The following SYT14 variants were observed in gnomAD, a reference collection of about 807,000 sequenced individuals.
The protein encoded by SYT14 is synaptotagmin 14, also known as synaptotagmin-14.
Under a neutral mutation model 74.2 loss-of-function variants are expected in SYT14, and 32 were observed. The ratio of observed to expected loss-of-function variants is 0.43; its 90% CI spans 0.33 to 0.58. SYT14 has a LOEUF of 0.58. Ranked by LOEUF, SYT14 falls within the 20% of genes least tolerant of loss-of-function variation. SYT14 has a pLI of 0.05. For missense variants in SYT14, 791 were observed against 981.8 expected (o/e 0.81, Z 2.60); for synonymous variants, 298 against 337.7 (o/e 0.88, Z 1.29).
intron 5 of SYT14, among the ~76,000 whole-genome samples, chr1:210,061,183 G>T (rs898820253): frequency 6.6e-5 from 10 of 151,528 alleles, no homozygotes; most frequent in Admixed American, 1.3e-4. Flanking sequence ...GACATTAATG[G>T]CCTGTCATTG....
At chr1:210,156,913 C>T (rs1051435132) in intron 8 of SYT14, 2 of 384,736 alleles carry the variant, frequency 5.2e-6, no homozygotes, top group African/African-American at 2.0e-5. Context: ...AAGCTGGTCG[C>T]AAGCTCCTGA....
chr1:210,048,018 C>T (rs767654867), intron 5 of SYT14, among the ~76,000 whole-genome samples: 23 of 152,062 alleles, frequency 1.5e-4, no homozygotes, highest in Non-Finnish European at 3.2e-4. Flanking sequence ...TTTGGAAGAC[C>T]TTTTTCCACT....
chr1:210,120,849 GTCC>G (rs764499808), intron 7 of SYT14, among the ~76,000 whole-genome samples: 12 of 152,214 alleles, frequency 7.9e-5, no homozygotes, highest in South Asian at 2.1e-4. Context: ...AATTAGCACT[GTCC>G]TTTAAGCTGT....
At chr1:209,972,199 G>A (rs2102757124) in intron 2 of SYT14, among the ~76,000 whole-genome samples, 1 of 151,614 alleles carries the variant, frequency 6.6e-6, no homozygotes, top group East Asian at 1.9e-4. Flanking sequence ...AGTCTCTGAG[G>A]ATCTTTCATA....
intron 2 of SYT14, among the ~76,000 whole-genome samples, chr1:209,975,451 T>C (rs1387013304): frequency 6.6e-6 from 1 of 152,214 alleles, no homozygotes; most frequent in Non-Finnish European, 1.5e-5. Context: ...CTTTTCTGCA[T>C]CTATTGAGAT....
intron 5 of SYT14, among the ~76,000 whole-genome samples, chr1:210,061,814 T>C (rs2081212210): frequency 6.6e-6 from 1 of 151,962 alleles, no homozygotes; most frequent in Admixed American, 6.6e-5. Flanking sequence ...TATGTACATG[T>C]TGTTTGTTGG....
exon 3 of SYT14, chr1:210,013,707 A>G: frequency 6.2e-7 from 1 of 1,612,888 alleles, no homozygotes; most frequent in Non-Finnish European, 8.5e-7. Flanking sequence ...TTTTCTCTAT[A>G]TTAATAAGAA....
At chr1:210,045,919 T>C (rs569820299) in intron 5 of SYT14, among the ~76,000 whole-genome samples, 1 of 152,332 alleles carries the variant, frequency 6.6e-6, no homozygotes, top group African/African-American at 2.4e-5. Context: ...GTTCTGTTTG[T>C]CCTTGGAAAA....
intron 2 of SYT14, among the ~76,000 whole-genome samples, chr1:210,003,567 T>TA (rs1187155866): frequency 2.0e-5 from 3 of 150,694 alleles, no homozygotes; most frequent in Admixed American, 6.9e-5. Context: ...CTAGATTTTT[T>TA]ACCTCTATTC....
intron 2 of SYT14, among the ~76,000 whole-genome samples, chr1:210,009,921 CTCT>C (rs2080055228): frequency 6.6e-6 from 1 of 151,998 alleles, no homozygotes; most frequent in African/African-American, 2.4e-5. Context: ...TTAACCTCAA[CTCT>C]TCTTCTTTCT....
At chr1:210,122,059 G>T (rs1181513022) in intron 7 of SYT14, among the ~76,000 whole-genome samples, 1 of 18,478 alleles carries the variant, frequency 5.4e-5, no homozygotes, top group African/African-American at 5.8e-4. Flanking sequence ...CTCACTGCAA[G>T]CTCCGCCTCC....
chr1:209,990,871 CTT>C (rs1217886953), intron 2 of SYT14, among the ~76,000 whole-genome samples: 1 of 152,004 alleles, frequency 6.6e-6, no homozygotes, highest in Non-Finnish European at 1.5e-5. Context: ...GGAGGTATCA[CTT>C]TACCTGACTT....
intron 5 of SYT14, among the ~76,000 whole-genome samples, chr1:210,027,483 A>G (rs1433027053): frequency 6.6e-6 from 1 of 152,080 alleles, no homozygotes; most frequent in Non-Finnish European, 1.5e-5. Flanking sequence ...TGGATTATCA[A>G]AAAGGTCTTC....
intron 7 of SYT14, among the ~76,000 whole-genome samples, chr1:210,154,081 TA>T (rs1408692687): frequency 6.6e-6 from 1 of 152,218 alleles, no homozygotes; most frequent in Admixed American, 6.5e-5. Flanking sequence ...TAGAATTCAC[TA>T]GTGAAGCCAT....
At chr1:210,063,062 A>C (rs577859286) in intron 5 of SYT14, among the ~76,000 whole-genome samples, 9 of 150,732 alleles carry the variant, frequency 6.0e-5, no homozygotes, top group African/African-American at 2.2e-4. Flanking sequence ...TGTTGACCCA[A>C]AATTTTTATA....
intron 2 of SYT14, among the ~76,000 whole-genome samples, chr1:209,971,094 C>T (rs533762150): frequency 6.6e-6 from 1 of 152,230 alleles, no homozygotes; most frequent in Non-Finnish European, 1.5e-5. Flanking sequence ...TTGAGGAGAT[C>T]ATTCACCTCC....
chr1:209,976,146 A>C (rs2079359329), intron 2 of SYT14, among the ~76,000 whole-genome samples: 1 of 151,900 alleles, frequency 6.6e-6, no homozygotes, highest in East Asian at 1.9e-4. Flanking sequence ...GATCTTTTCA[A>C]AAAACCAGCT....
chr1:210,127,958 C>T lies in SYT14; in HGVS notation c.2034+27497C>T, dbSNP rs138630284. ...AGGAGAATTGCTTGAACCTGGGAGG[C>T]GGAGGTTGCAGATTGTGCCCAATAT... On this transcript the variant is annotated intron_variant, in intron 7 of 9. Coordinates refer to ENST00000637265, the Ensembl canonical transcript of SYT14. Among the ~76,000 whole-genome samples, 1,277 of 151,868 alleles carry T rather than the reference C, an allele frequency of 8.4e-3. 22 individuals are homozygous for T. Among genetic ancestry groups the T allele is most frequent in the African/African-American group, 0.029 (1,215 of 41,398 alleles).
chr1:210,000,086 G>C (rs1309730188), intron 2 of SYT14, among the ~76,000 whole-genome samples: 1 of 152,092 alleles, frequency 6.6e-6, no homozygotes, highest in African/African-American at 2.4e-5. Context: ...TTATTTTACA[G>C]ATATTTGCAA....
Sources: allele counts gnomAD v4.1 joint callset (sites outside exome capture counted in the v4.1 genomes callset), GRCh38; gene constraint gnomAD v4.1.1; transcripts MANE v1.5; gene names NCBI Gene and HGNC (gene_info 2026-07-23, HGNC 2026-07-21).